Variants in C12orf42 observed in about 807,000 individuals in gnomAD.
C12orf42 encodes uncharacterized protein C12orf42.
Under a neutral mutation model 21.6 loss-of-function variants are expected in C12orf42, and 25 were observed. The ratio of observed to expected loss-of-function variants is 1.16; its 90% CI spans 0.84 to 1.62. The LOEUF (loss-of-function observed/expected upper bound fraction) is 1.62, where lower values mean the gene tolerates loss of function less well. Ranked by LOEUF, C12orf42 falls within the 40% of genes most tolerant of loss-of-function variation. C12orf42 has a pLI of 0.00. For synonymous variants in C12orf42, 174 were observed against 175.0 expected (o/e 0.99, Z 0.05); for missense variants, 483 against 459.3 (o/e 1.05, Z -0.47).
chr12:103,207,322 A>T, the C12orf42 span, among the ~76,000 whole-genome samples: 7 of 152,228 alleles, frequency 4.6e-5, no homozygotes, highest in African/African-American at 1.7e-4. Context: ...CAGAGCCCTA[A>T]CAGGGGATCC....
chr12:103,528,882 T>C, the C12orf42 span, among the ~76,000 whole-genome samples: 1 of 152,204 alleles, frequency 6.6e-6, no homozygotes, highest in Non-Finnish European at 1.5e-5. Context: ...TTGGGGCAAG[T>C]ATTGTCCATG....
the C12orf42 span, among the ~76,000 whole-genome samples, chr12:103,211,610 G>A: frequency 6.6e-6 from 1 of 152,180 alleles, no homozygotes; most frequent in Admixed American, 6.5e-5. Context: ...ATGAGAGTGA[G>A]CAGGAAGGTC....
At chr12:103,303,780 G>A (rs2037997554) in intron 5 of C12orf42, among the ~76,000 whole-genome samples, 1 of 152,144 alleles carries the variant, frequency 6.6e-6, no homozygotes. Context: ...ATCACTTCCT[G>A]AAATAAAGGC....
At chr12:103,213,759 T>C in the C12orf42 span, among the ~76,000 whole-genome samples, 2 of 152,214 alleles carry the variant, frequency 1.3e-5, no homozygotes, top group Non-Finnish European at 2.9e-5. Context: ...AGTTTCCGAT[T>C]GCTGCAGTTC....
At chr12:103,163,236 A>T in the C12orf42 span, among the ~76,000 whole-genome samples, 1 of 152,226 alleles carries the variant, frequency 6.6e-6, no homozygotes, top group South Asian at 2.1e-4. Context: ...TCTCAGCAGC[A>T]TCTAAATTGG....
intron 4 of C12orf42, among the ~76,000 whole-genome samples, chr12:103,326,994 AAG>A: frequency 6.6e-6 from 1 of 152,340 alleles, no homozygotes; most frequent in South Asian, 2.1e-4. Flanking sequence ...GCTTTATTTT[AAG>A]AGTTTCAAAA....
intron 10 of C12orf42, among the ~76,000 whole-genome samples, chr12:103,261,597 G>A (rs1300970758): frequency 6.6e-6 from 1 of 151,568 alleles, no homozygotes; most frequent in Non-Finnish European, 1.5e-5. Flanking sequence ...TCCCAGAGAA[G>A]ACACTCTGTA....
At chr12:103,291,037 TA>T (rs1317417352) in intron 4 of C12orf42, among the ~76,000 whole-genome samples, 1 of 150,562 alleles carries the variant, frequency 6.6e-6, no homozygotes, top group Non-Finnish European at 1.5e-5. Context: ...AATATTTTTT[TA>T]AAAAAGAAAA....
At chr12:103,350,972 G>T (rs2043055459) in intron 4 of C12orf42, among the ~76,000 whole-genome samples, 1 of 151,934 alleles carries the variant, frequency 6.6e-6, no homozygotes, top group Non-Finnish European at 1.5e-5. Context: ...TCAGATCCAG[G>T]TTTAACTGTC....
chr12:103,484,873 T>TTTG (rs1196857105), intron 1 of C12orf42, among the ~76,000 whole-genome samples: 3 of 141,932 alleles, frequency 2.1e-5, no homozygotes, highest in South Asian at 4.8e-4. Flanking sequence ...GTTTTTTTTT[T>TTTG]TTTTTTTTTT....
chr12:103,372,607 C>T (rs2045353510), intron 3 of C12orf42, among the ~76,000 whole-genome samples: 1 of 152,132 alleles, frequency 6.6e-6, no homozygotes, highest in Non-Finnish European at 1.5e-5. Flanking sequence ...CCATCACACT[C>T]TGACCTAAAG....
the C12orf42 span, among the ~76,000 whole-genome samples, chr12:103,100,564 G>C: frequency 6.6e-6 from 1 of 152,126 alleles, no homozygotes; most frequent in Non-Finnish European, 1.5e-5. Context: ...AGAACCACCC[G>C]GACAATGGCA....
At chr12:103,482,353 G>C (rs1387773359) in intron 1 of C12orf42, among the ~76,000 whole-genome samples, 2 of 151,966 alleles carry the variant, frequency 1.3e-5, no homozygotes, top group Non-Finnish European at 2.9e-5. Flanking sequence ...TTTTCTCTCA[G>C]TCCACTTAAG....
chr12:103,218,896 AC>A, the C12orf42 span, among the ~76,000 whole-genome samples: 1 of 152,142 alleles, frequency 6.6e-6, no homozygotes, highest in East Asian at 1.9e-4. Context: ...TGTTACCACA[AC>A]CCTGTTATGC....
At chr12:103,073,979 G>A in the C12orf42 span, among the ~76,000 whole-genome samples, 1 of 152,100 alleles carries the variant, frequency 6.6e-6, no homozygotes, top group Non-Finnish European at 1.5e-5. Context: ...TGAACCCAAT[G>A]AGAGCCAATA....
the C12orf42 span, among the ~76,000 whole-genome samples, chr12:103,192,774 T>G: frequency 1.3e-5 from 2 of 152,070 alleles, no homozygotes; most frequent in African/African-American, 4.8e-5. Flanking sequence ...AAGGGAGAAA[T>G]AGACAGCAAT....
chr12:103,455,700 G>C (rs1439503292), intron 2 of C12orf42, among the ~76,000 whole-genome samples: 1 of 152,128 alleles, frequency 6.6e-6, no homozygotes, highest in Non-Finnish European at 1.5e-5. Flanking sequence ...TTCTTAGAGA[G>C]CAGGAGAAGA....
At chr12:103,135,462 G>A in the C12orf42 span, among the ~76,000 whole-genome samples, 51,696 of 147,918 alleles carry the variant, frequency 0.35, 9,516 homozygotes, top group East Asian at 0.48. Flanking sequence ...ATCTCAAAAA[G>A]AAAAAAAGAA....
the C12orf42 span, among the ~76,000 whole-genome samples, chr12:103,218,024 G>T: frequency 6.6e-6 from 1 of 152,162 alleles, no homozygotes; most frequent in Admixed American, 6.5e-5. Context: ...GCTCACGCCT[G>T]TAATCCCAGC....
Sources: allele counts gnomAD v4.1 joint callset (sites outside exome capture counted in the v4.1 genomes callset), GRCh38; gene constraint gnomAD v4.1.1; transcripts MANE v1.5; gene names NCBI Gene and HGNC (gene_info 2026-07-23, HGNC 2026-07-21).